The following ADD3 variants were observed in gnomAD, a reference collection of about 807,000 sequenced individuals.
ADD3 encodes gamma-adducin.
Under a neutral mutation model 80.2 loss-of-function variants are expected in ADD3, and 25 were observed. The ratio of observed to expected loss-of-function variants is 0.31; its 90% CI spans 0.23 to 0.44. The LOEUF is 0.44. Ranked by LOEUF, ADD3 falls within the 20% of genes least tolerant of loss-of-function variation. The probability of loss-of-function intolerance (pLI) is 1.00; values close to 1 mark genes in which losing one functional copy is unlikely to be tolerated. For missense variants in ADD3, 829 were observed against 847.5 expected (o/e 0.98, Z 0.27); for synonymous variants, 284 against 289.6 (o/e 0.98, Z 0.20).
At chr10:110,105,025 G>T (rs1433599633) in intron 2 of ADD3, among the ~76,000 whole-genome samples, 1 of 152,054 alleles carries the variant, frequency 6.6e-6, no homozygotes, top group African/African-American at 2.4e-5. Context: ...ACGCAACCTG[G>T]AAGAGTTTAT....
intron 1 of ADD3, among the ~76,000 whole-genome samples, chr10:110,086,020 G>C (rs752165344): frequency 3.3e-5 from 5 of 152,096 alleles, no homozygotes; most frequent in Non-Finnish European, 5.9e-5. Flanking sequence ...CACGAGAATC[G>C]CTTGAACCTG....
At chr10:110,063,862 C>G (rs1319035405) in intron 1 of ADD3, among the ~76,000 whole-genome samples, 2 of 147,680 alleles carry the variant, frequency 1.4e-5, no homozygotes, top group Non-Finnish European at 3.0e-5. Context: ...TCAGGCATTT[C>G]TCCTCTCTCT....
intron 1 of ADD3, among the ~76,000 whole-genome samples, chr10:110,032,320 A>G (rs1214896812): frequency 6.6e-6 from 1 of 152,202 alleles, no homozygotes; most frequent in Non-Finnish European, 1.5e-5. Flanking sequence ...CTAAGTTAGA[A>G]TAGATGTGAT....
intron 1 of ADD3, among the ~76,000 whole-genome samples, chr10:110,084,504 T>C (rs1051424026): frequency 6.6e-6 from 1 of 152,248 alleles, no homozygotes; most frequent in East Asian, 1.9e-4. Flanking sequence ...ACAGATCATA[T>C]GGTCTACAGT....
At chr10:110,114,192 T>TA in intron 3 of ADD3, among the ~76,000 whole-genome samples, 1 of 152,264 alleles carries the variant, frequency 6.6e-6, no homozygotes, top group South Asian at 2.1e-4. Context: ...TTGCCTGAAA[T>TA]ACTTACGCAG....
intron 1 of ADD3, among the ~76,000 whole-genome samples, chr10:110,015,786 T>G (rs7088861): frequency 0.28 from 42,143 of 152,050 alleles, 8,789 homozygotes; most frequent in African/African-American, 0.57. Flanking sequence ...TGATAAAATC[T>G]TATTTCTCTA....
At chr10:110,081,284 T>C (rs1216222920) in intron 1 of ADD3, among the ~76,000 whole-genome samples, 1 of 152,158 alleles carries the variant, frequency 6.6e-6, no homozygotes, top group South Asian at 2.1e-4. Context: ...CTTAGCAAAA[T>C]GTATCGAAGA....
At position 110,125,961 on chromosome 10, in the gene ADD3, C is replaced by T. The variant is rs1337251824; in HGVS notation, c.1521+16C>T. On this transcript the variant is annotated intron_variant, in intron 11 of 14. Coordinates refer to ENST00000356080, the MANE Select transcript of ADD3 (RefSeq NM_016824.5). The stretch of plus-strand genomic sequence containing the variant: ...GAGAAATAAGGTAAGACATGGTCTT[C>T]TATAGCCAGGGGAGACATTTTAATT... 21 of 1,589,728 alleles carry T rather than the reference C, an allele frequency of 1.3e-5. No homozygotes were observed. The highest frequency in any genetic ancestry group is 1.8e-5 in the Non-Finnish European group (21 of 1,164,872).
chr10:110,054,200 A>ATGG (rs1311227955), intron 1 of ADD3, among the ~76,000 whole-genome samples: 1 of 152,190 alleles, frequency 6.6e-6, no homozygotes, highest in African/African-American at 2.4e-5. Context: ...TTTTGGGGGA[A>ATGG]TGGTATGTGA....
intron 1 of ADD3, among the ~76,000 whole-genome samples, chr10:110,053,404 A>G (rs1364324952): frequency 2.7e-5 from 4 of 149,398 alleles, no homozygotes; most frequent in South Asian, 4.1e-4. Flanking sequence ...GAAACTGTCT[A>G]TCTGGATTCT....
chr10:110,047,019 A>G (rs192402852), intron 1 of ADD3, among the ~76,000 whole-genome samples: 13 of 152,292 alleles, frequency 8.5e-5, no homozygotes, highest in Admixed American at 2.6e-4. Flanking sequence ...GAGATGTAGT[A>G]GTTTTCACCC....
At chr10:110,083,791 T>G (rs1846364047) in intron 1 of ADD3, among the ~76,000 whole-genome samples, 1 of 152,170 alleles carries the variant, frequency 6.6e-6, no homozygotes, top group Non-Finnish European at 1.5e-5. Flanking sequence ...GCTTTGTGCT[T>G]CTTTGTTGCA....
intron 1 of ADD3, among the ~76,000 whole-genome samples, chr10:110,079,511 G>T (rs1233422314): frequency 7.2e-6 from 1 of 138,858 alleles, no homozygotes. Context: ...TGATCTACCT[G>T]AACATCTTTT....
At chr10:110,018,160 C>G (rs1843524261) in intron 1 of ADD3, among the ~76,000 whole-genome samples, 2 of 152,140 alleles carry the variant, frequency 1.3e-5, no homozygotes, top group Non-Finnish European at 2.9e-5. Context: ...AAATATGTTA[C>G]TTGCCAGTGT....
intron 1 of ADD3, among the ~76,000 whole-genome samples, chr10:110,029,159 G>T (rs1332439781): frequency 6.6e-6 from 1 of 152,218 alleles, no homozygotes; most frequent in Non-Finnish European, 1.5e-5. Flanking sequence ...GATTATCGGC[G>T]TGAGCCACCG....
intron 2 of ADD3, among the ~76,000 whole-genome samples, chr10:110,101,559 C>T (rs1214136404): frequency 2.0e-5 from 3 of 151,398 alleles, no homozygotes; most frequent in South Asian, 2.1e-4. Context: ...ATCACTTGAG[C>T]CCAGAAGGTC....
chr10:110,119,124 T>G, intron 6 of ADD3, 87 bp from the exon 7 acceptor site: 2 of 1,463,656 alleles, frequency 1.4e-6, no homozygotes, highest in South Asian at 1.3e-5. Flanking sequence ...AGGCCAGTGT[T>G]TTCCTGAGCT....
intron 1 of ADD3, among the ~76,000 whole-genome samples, chr10:110,045,167 A>G (rs1464808216): frequency 6.6e-6 from 1 of 152,174 alleles, no homozygotes; most frequent in East Asian, 1.9e-4. Context: ...CAGCCTGGCC[A>G]ACATAGTGAA....
At position 110,118,742 on chromosome 10, in the gene ADD3, T is replaced by A; in HGVS notation, c.717+6T>A. 6.2e-7 allele frequency: 1 copy of A among 1,612,770 alleles called. No homozygotes were observed. The highest frequency in any genetic ancestry group is 8.5e-7 in the Non-Finnish European group (1 of 1,178,976). ...ATACCCTTGCAACAGCAGCTGTAAG[T>A]CAATGAAAGTCCAAAACTGACAGGA... On this transcript the variant is annotated splice_donor_region_variant and intron_variant, in intron 6 of 14. Transcript: ENST00000356080.
Sources: allele counts gnomAD v4.1 joint callset (sites outside exome capture counted in the v4.1 genomes callset), GRCh38; gene constraint gnomAD v4.1.1; transcripts MANE v1.5; gene names NCBI Gene and HGNC (gene_info 2026-07-23, HGNC 2026-07-21).